The following TMEM114 variants were observed in gnomAD, a reference collection of about 807,000 sequenced individuals.
The protein encoded by TMEM114 is transmembrane protein 114.
A neutral mutation model predicts 6.2 loss-of-function variants in TMEM114; 6 were observed. That is an observed-to-expected ratio of 0.97 (90% CI 0.53 to 1.91). TMEM114 has a LOEUF of 1.91. TMEM114 is among the 40% of genes most tolerant of loss of function. The probability of loss-of-function intolerance (pLI) is 0.01; values close to 1 mark genes in which losing one functional copy is unlikely to be tolerated. For missense variants in TMEM114, 218 were observed against 158.3 expected, an observed-to-expected ratio of 1.38 and a Z score of -2.02; for synonymous variants, 104 against 73.0, an observed-to-expected ratio of 1.42 and a Z score of -2.16.
At chr16:8,563,978 T>G (rs1901406193) in intron 2 of TMEM114, among the ~76,000 whole-genome samples, 5 of 140,478 alleles carry the variant, frequency 3.6e-5, no homozygotes, top group African/African-American at 8.3e-5. Flanking sequence ...AATGAGTGAG[T>G]GAGGGAGGGC....
At chr16:8,526,750 A>T in the TMEM114 span, 2 of 152,188 alleles carry the variant, frequency 1.3e-5, no homozygotes, top group Non-Finnish European at 2.9e-5. Context: ...CTTTATAGCA[A>T]TGCAAGAGCA....
Position 8,569,730 on chromosome 16 carries a change from G to A in TMEM114, c.*43C>T, listed in dbSNP as rs918211533. The stretch of plus-strand genomic sequence containing the variant: ...GATGGAGATCGGTCGGTGAAGCTCC[G>A]GGGCCAAGCCCCTCCCTCCCCTCCA... On this transcript the variant is annotated 3_prime_UTR_variant, in exon 4 of 4. Coordinates refer to ENST00000620492, the MANE Select transcript of TMEM114 (RefSeq NM_001146336.2). 19 of 1,513,048 alleles carry A rather than the reference G, an allele frequency of 1.3e-5. No individual in the cohort carries two copies. The highest frequency in any genetic ancestry group is 3.6e-4 in the Middle Eastern group (2 of 5,616). 93.7% of individuals were successfully genotyped at this position (1,513,048 alleles called of 1,614,324 possible).
At chr16:8,538,133 CAAAAAAAAAA>C (rs59194084) in intron 2 of TMEM114, among the ~76,000 whole-genome samples, 8 of 76,336 alleles carry the variant, frequency 1.0e-4, no homozygotes, top group South Asian at 6.8e-4. Context: ...ACTGTCTCTA[CAAAAAAAAAA>C]AAAAAAAAAA....
intron 2 of TMEM114, among the ~76,000 whole-genome samples, chr16:8,581,140 G>A (rs1031065982): frequency 6.6e-6 from 1 of 152,150 alleles, no homozygotes; most frequent in Non-Finnish European, 1.5e-5. Context: ...CAGAAAAGGT[G>A]TAATATTGGG....
chr16:8,571,965 G>T, intron 3 of TMEM114, 122 bp downstream of exon 3: 1 of 1,242,054 alleles, frequency 8.1e-7, no homozygotes, highest in Non-Finnish European at 1.1e-6. Flanking sequence ...TGATATCCCA[G>T]AAGGGGAAAC....
downstream of TMEM114, among the ~76,000 whole-genome samples, chr16:8,569,268 TG>T (rs1204148329): frequency 6.6e-6 from 1 of 152,148 alleles, no homozygotes; most frequent in Non-Finnish European, 1.5e-5. Context: ...AGCTTCATAT[TG>T]TAGACCTAAC....
At chr16:8,535,381 G>A (rs1378953735), downstream of TMEM114, among the ~76,000 whole-genome samples, 1 of 151,836 alleles carries the variant, frequency 6.6e-6, no homozygotes, top group Non-Finnish European at 1.5e-5. Flanking sequence ...TAGATCTCCA[G>A]GAACCAGGGT....
chr16:8,554,037 C>G (rs953259435), intron 2 of TMEM114, among the ~76,000 whole-genome samples: 13 of 152,064 alleles, frequency 8.5e-5, no homozygotes, highest in African/African-American at 3.1e-4. Flanking sequence ...CGCCACCACA[C>G]CCAGTTAATT....
At chr16:8,538,759 G>A (rs777835145) in intron 2 of TMEM114, among the ~76,000 whole-genome samples, 3 of 152,136 alleles carry the variant, frequency 2.0e-5, no homozygotes, top group Non-Finnish European at 4.4e-5. Flanking sequence ...GCCCACCTCG[G>A]CCTCCCAAGG....
intron 2 of TMEM114, among the ~76,000 whole-genome samples, chr16:8,583,733 G>A (rs986905063): frequency 2.0e-5 from 3 of 151,622 alleles, no homozygotes; most frequent in Non-Finnish European, 4.4e-5. Flanking sequence ...GGGCAACAGA[G>A]CAAGACCATG....
intron 2 of TMEM114, 69 bp from the exon 3 acceptor site, chr16:8,572,293 C>G: frequency 2.0e-6 from 3 of 1,529,982 alleles, no homozygotes; most frequent in Non-Finnish European, 2.7e-6. Flanking sequence ...TCAACAAACA[C>G]TTCCCGAGCA....
intron 2 of TMEM114, among the ~76,000 whole-genome samples, chr16:8,538,425 T>A (rs987056740): frequency 6.6e-6 from 1 of 152,010 alleles, no homozygotes; most frequent in Non-Finnish European, 1.5e-5. Flanking sequence ...GTGTTCCCTA[T>A]TGTACCCATG....
the TMEM114 span, among the ~76,000 whole-genome samples, chr16:8,530,784 G>T: frequency 3.3e-5 from 5 of 152,102 alleles, no homozygotes. Context: ...AGCACTTTGG[G>T]AGGCCGAGTC....
At chr16:8,545,211 G>A (rs1454457635) in intron 2 of TMEM114, among the ~76,000 whole-genome samples, 5 of 152,126 alleles carry the variant, frequency 3.3e-5, no homozygotes, top group Admixed American at 3.3e-4. Context: ...GCCAAGGTGG[G>A]AAGATTACTT....
chr16:8,564,200 A>G (rs1467152953), intron 2 of TMEM114, among the ~76,000 whole-genome samples: 1 of 149,822 alleles, frequency 6.7e-6, no homozygotes, highest in African/African-American at 2.5e-5. Flanking sequence ...TGAATGAGTG[A>G]GTGGGTGAAT....
intron 2 of TMEM114, among the ~76,000 whole-genome samples, chr16:8,544,107 T>C (rs1900592268): frequency 1.3e-5 from 2 of 152,320 alleles, no homozygotes; most frequent in East Asian, 3.9e-4. Flanking sequence ...TTCACTGTGA[T>C]TTTGTTGCTG....
chr16:8,555,822 C>A (rs188997412), intron 2 of TMEM114, among the ~76,000 whole-genome samples: 4 of 152,318 alleles, frequency 2.6e-5, no homozygotes, highest in Admixed American at 2.6e-4. Flanking sequence ...AAACAGCCTA[C>A]AATACAGAAG....
intron 2 of TMEM114, among the ~76,000 whole-genome samples, chr16:8,580,495 T>TAA (rs560742507): frequency 4.8e-4 from 47 of 98,252 alleles, no homozygotes; most frequent in Middle Eastern, 5.8e-3. Flanking sequence ...TCAAAAGAGG[T>TAA]AAAAAAAAAA....
intron 2 of TMEM114, among the ~76,000 whole-genome samples, chr16:8,551,558 G>A (rs919393006): frequency 2.0e-5 from 3 of 152,212 alleles, no homozygotes; most frequent in Non-Finnish European, 4.4e-5. Context: ...AAAGCAAAGA[G>A]AGAAAGTCCA....
Sources: gnomAD v4.1 joint callset for allele counts (sites outside exome capture counted in the v4.1 genomes callset) on GRCh38, gnomAD v4.1.1 for gene constraint, MANE v1.5 for transcripts, NCBI Gene and HGNC (gene_info 2026-07-23, HGNC 2026-07-21) for gene names.